WIPF3: variants seen among roughly 807,000 people sequenced by gnomAD.
WIPF3 encodes the protein WAS/WASL-interacting protein family member 3.
In WIPF3, 33 loss-of-function variants were observed where a neutral mutation model predicts 38.9. The ratio of observed to expected loss-of-function variants is 0.85; its 90% confidence interval spans 0.64 to 1.14. The LOEUF is 1.14. WIPF3 is among the 50% of genes most tolerant of loss of function. The probability of loss-of-function intolerance (pLI) is 0.00; values close to 1 mark genes in which losing one functional copy is unlikely to be tolerated. For synonymous variants in WIPF3, 324 were observed against 269.3 expected, an observed-to-expected ratio of 1.20 and a Z score of -1.99; for missense variants, 711 against 652.5, an observed-to-expected ratio of 1.09 and a Z score of -0.98.
chr7:29,908,933 A>G (rs1311268656), intron 8 of WIPF3, among the ~76,000 whole-genome samples: 1 of 151,616 alleles, frequency 6.6e-6, no homozygotes. Flanking sequence ...AAAAAGATAG[A>G]TATCAGACAA....
intron 2 of WIPF3, among the ~76,000 whole-genome samples, chr7:29,865,945 G>T (rs1785379628): frequency 6.6e-6 from 1 of 152,200 alleles, no homozygotes; most frequent in South Asian, 2.1e-4. Context: ...GATCATCTGA[G>T]GTCAGGAGTT....
intron 1 of WIPF3, among the ~76,000 whole-genome samples, chr7:29,807,513 A>G (rs1583584904): frequency 6.6e-6 from 1 of 152,182 alleles, no homozygotes; most frequent in South Asian, 2.1e-4. Flanking sequence ...CCCCGTGGGC[A>G]GGCAGGCACC....
At chr7:29,908,233 A>C (rs1786437625) in intron 8 of WIPF3, among the ~76,000 whole-genome samples, 1 of 152,254 alleles carries the variant, frequency 6.6e-6, no homozygotes, top group Admixed American at 6.5e-5. Flanking sequence ...TAGACATTAA[A>C]TCAAAAAGTT....
At chr7:29,909,139 CTG>C (rs937874211) in intron 8 of WIPF3, among the ~76,000 whole-genome samples, 89 of 152,114 alleles carry the variant, frequency 5.9e-4, no homozygotes, top group African/African-American at 2.0e-3. Context: ...TTATGGAACA[CTG>C]AAAGCAGTGC....
intron 1 of WIPF3, among the ~76,000 whole-genome samples, chr7:29,809,264 G>A (rs995972476): frequency 6.6e-6 from 1 of 152,152 alleles, no homozygotes; most frequent in Non-Finnish European, 1.5e-5. Context: ...TTGCAGAGTT[G>A]AATGTTTGTC....
intron 2 of WIPF3, among the ~76,000 whole-genome samples, chr7:29,835,864 C>T (rs1415803800): frequency 1.3e-5 from 2 of 152,326 alleles, no homozygotes; most frequent in East Asian, 3.9e-4. Context: ...CCATCCTCCC[C>T]ACCGGATGCA....
chr7:29,859,420 G>A (rs1457177011), intron 2 of WIPF3, among the ~76,000 whole-genome samples: 1 of 152,156 alleles, frequency 6.6e-6, no homozygotes, highest in Non-Finnish European at 1.5e-5. Context: ...GAGCCTTTCT[G>A]TTCTCTACCA....
At chr7:29,862,287 A>T (rs1272229989) in intron 2 of WIPF3, among the ~76,000 whole-genome samples, 1 of 152,150 alleles carries the variant, frequency 6.6e-6, no homozygotes, top group East Asian at 1.9e-4. Flanking sequence ...AGGCTGGGGG[A>T]GATGCTCCTT....
At chr7:29,834,938 G>A (rs1784777118) in intron 2 of WIPF3, 124 bp downstream of exon 2, 1 of 1,209,134 alleles carries the variant, frequency 8.3e-7, no homozygotes, top group South Asian at 1.5e-5. Flanking sequence ...GGCATCTTAG[G>A]TGGCTGGATC....
At chr7:29,876,051 G>C in intron 3 of WIPF3, 89 bp downstream of exon 3, 1 of 1,531,680 alleles carries the variant, frequency 6.5e-7, no homozygotes, top group African/African-American at 1.4e-5. Context: ...TGGGGCCACA[G>C]CTGCTTCCCA....
chr7:29,867,919 T>G (rs552177661), intron 2 of WIPF3, among the ~76,000 whole-genome samples: 148 of 152,308 alleles, frequency 9.7e-4, no homozygotes, highest in Non-Finnish European at 1.5e-3. Context: ...AACAAAATAC[T>G]GATAGGTTGC....
intron 2 of WIPF3, among the ~76,000 whole-genome samples, chr7:29,837,906 A>C (rs6963479): frequency 6.6e-6 from 1 of 151,992 alleles, no homozygotes; most frequent in Non-Finnish European, 1.5e-5. Flanking sequence ...TTATTTATTT[A>C]TTTATTTAGT....
intron 1 of WIPF3, among the ~76,000 whole-genome samples, chr7:29,830,009 G>C (rs1267226293): frequency 3.3e-5 from 5 of 152,090 alleles, no homozygotes; most frequent in African/African-American, 1.2e-4. Context: ...AAGAGCTCTT[G>C]CGTGCAGCCC....
At chr7:29,899,901 C>A (rs1462827570) in intron 7 of WIPF3, among the ~76,000 whole-genome samples, 1 of 152,066 alleles carries the variant, frequency 6.6e-6, no homozygotes, top group Admixed American at 6.6e-5. Flanking sequence ...AATATGTACA[C>A]CAAAATATTT....
chr7:29,915,942 A>G lies in WIPF3; in HGVS notation c.*1426A>G, dbSNP rs10225667. 53,291 of 152,182 alleles carry G rather than the reference A, an allele frequency of 0.35. 9,623 individuals are homozygous for G. Among genetic ancestry groups the G allele is most frequent in the African/African-American group, 0.42 (17,421 of 41,458 alleles). The allele number at this position is 152,182 out of a possible 1,614,324, so 9.4% of individuals were successfully genotyped here. A position where few individuals can be genotyped will look rare whatever the true frequency, so the allele number is the denominator to read the frequency against. Reference sequence around the variant, plus strand: ...CACACATTCACCCCTGAAGTATATCATGAACAGACCAAGCCATCCAGAAAG... The same window carrying G: ...CACACATTCACCCCTGAAGTATATCGTGAACAGACCAAGCCATCCAGAAAG... On this transcript the variant is annotated 3_prime_UTR_variant, in exon 9 of 9. Transcript: ENST00000242140.
chr7:29,886,377 GAC>G (rs1160779252), intron 5 of WIPF3, among the ~76,000 whole-genome samples: 1 of 82,112 alleles, frequency 1.2e-5, no homozygotes, highest in East Asian at 4.2e-4. Flanking sequence ...TTTTTTTTGA[GAC>G]ACAGTTTCAC....
intron 8 of WIPF3, among the ~76,000 whole-genome samples, chr7:29,910,317 C>T (rs1786482385): frequency 6.6e-6 from 1 of 152,186 alleles, no homozygotes; most frequent in African/African-American, 2.4e-5. Flanking sequence ...GAGCTCTGGG[C>T]TTCATGGCTT....
At chr7:29,904,189 A>G (rs1435078858) in intron 7 of WIPF3, 97 bp from the exon 8 acceptor site, 3 of 1,189,036 alleles carry the variant, frequency 2.5e-6, no homozygotes, top group African/African-American at 1.5e-5. Context: ...TGAAGGTTTC[A>G]TTGTTTTAAG....
intron 1 of WIPF3, among the ~76,000 whole-genome samples, chr7:29,832,826 A>G (rs1165250410): frequency 6.6e-6 from 1 of 152,214 alleles, no homozygotes; most frequent in Non-Finnish European, 1.5e-5. Flanking sequence ...CCACTCTTGC[A>G]TATACGCTGA....
Sources: gnomAD v4.1 joint callset for allele counts (sites outside exome capture counted in the v4.1 genomes callset) on GRCh38, gnomAD v4.1.1 for gene constraint, MANE v1.5 for transcripts, NCBI Gene and HGNC (gene_info 2026-07-23, HGNC 2026-07-21) for gene names.